Variants in TUBG2 observed in about 807,000 individuals in gnomAD.
TUBG2 encodes tubulin gamma 2.
Under a neutral mutation model 55.1 loss-of-function variants are expected in TUBG2, and 39 were observed. That is an observed-to-expected ratio of 0.71 (90% confidence interval 0.55 to 0.93). The LOEUF (loss-of-function observed/expected upper bound fraction) is 0.93. Ranked by LOEUF, TUBG2 falls within the 40% of genes least tolerant of loss-of-function variation. The pLI is 0.00. For synonymous variants in TUBG2, 223 were observed against 241.0 expected, an observed-to-expected ratio of 0.93 and a Z score of 0.69; for missense variants, 358 against 599.1, an observed-to-expected ratio of 0.60 and a Z score of 4.20.
At chr17:42,663,885 A>G (rs1323935715) in intron 6 of TUBG2, among the ~76,000 whole-genome samples, 1 of 149,592 alleles carries the variant, frequency 6.7e-6, no homozygotes, top group African/African-American at 2.5e-5. Context: ...GGAGGTTGCA[A>G]GGAGCTGAGA....
At chr17:42,662,218 G>A (rs181541586) in intron 4 of TUBG2, among the ~76,000 whole-genome samples, 19 of 152,098 alleles carry the variant, frequency 1.2e-4, no homozygotes, top group African/African-American at 4.3e-4. Context: ...ATAGGAAGAT[G>A]CCTTGAGCCC....
At position 42,666,659 on chromosome 17, in the gene TUBG2, C is replaced by G; in HGVS notation, c.1215C>G (p.Leu405=). ...AGCTGCGGAAGCGGGATGCCTTCCT[C>G]GAGCAGTTCCGTAAGGAGGACATGT... The part of the protein sequence containing the change: ...FDKLRKRDAF[L]EQFRKEDMFK... The change falls in exon 11 of 11, where the codon CTC becomes CTG. Residue 405 remains leucine, a synonymous_variant. Coordinates refer to ENST00000251412, the MANE Select transcript of TUBG2 (RefSeq NM_016437.3). 2 of 1,614,196 alleles carry G rather than the reference C, an allele frequency of 1.2e-6. No homozygotes were observed. Among genetic ancestry groups the G allele is most frequent in the Non-Finnish European group, 1.7e-6 (2 of 1,180,022 alleles).
Position 42,659,911 on chromosome 17 carries a change from G to T in TUBG2, c.127G>T (p.Glu43Ter). 6.2e-7 allele frequency: 1 copy of T among 1,612,626 alleles called. No homozygotes were observed. Among genetic ancestry groups the T allele is most frequent in the Non-Finnish European group, 8.5e-7 (1 of 1,179,158 alleles). The change falls in exon 2 of 11, where the codon GAG becomes TAG. Residue 43 changes from glutamate (E) to a stop codon, truncating the protein, a stop_gained. Coordinates refer to ENST00000251412, the MANE Select transcript of TUBG2 (RefSeq NM_016437.3). LOFTEE classifies it high-confidence loss of function. ...GGGCATCGTGGAGGAATTCGCCACC[G>T]AGGGCACTGACCGCAAGGACGTCTT... ...PEGIVEEFAT[E>*]GTDRKDVFFY... is the part of the protein sequence containing the mutation.
At chr17:42,661,751 T>C (rs764899622) in intron 4 of TUBG2, among the ~76,000 whole-genome samples, 1 of 152,214 alleles carries the variant, frequency 6.6e-6, no homozygotes, top group African/African-American at 2.4e-5. Context: ...TTATAACAAA[T>C]GGATGAACGT....
chr17:42,665,741 C>CT lies in TUBG2; in HGVS notation c.758dup (p.Ile254HisfsTer136), dbSNP rs746760976. The stretch of plus-strand genomic sequence containing the variant: ...CTACCCCGGCTACATGAACAATGAC[C>CT]TCATCGGCCTCATCGCCTCGCTCAT... On this transcript the variant is annotated frameshift_variant, in exon 8 of 11. Coordinates refer to ENST00000251412, the MANE Select transcript of TUBG2 (RefSeq NM_016437.3). LOFTEE classifies it high-confidence loss of function. 7.4e-6 allele frequency: 12 copies of CT among 1,614,090 alleles called. No homozygotes were observed. The highest frequency in any genetic ancestry group is 5.0e-5 in the Admixed American group (3 of 60,012).
intron 10 of TUBG2, 57 bp from the exon 11 acceptor site, chr17:42,666,546 C>T: frequency 1.9e-6 from 3 of 1,613,652 alleles, no homozygotes; most frequent in Admixed American, 1.7e-5. Context: ...TCATCATCTT[C>T]CCCAAGTTCA....
In TUBG2 at chr17:42,659,301, T is replaced by A; in HGVS notation, c.-203T>A. ...TGTGCGGAATTCCAGCTGCGACTGCTGAGGGAGAAAATGATGCCCAGGTTG... is the reference window on the plus strand; with the variant it reads ...TGTGCGGAATTCCAGCTGCGACTGCAGAGGGAGAAAATGATGCCCAGGTTG... On this transcript the variant is annotated 5_prime_UTR_variant, in exon 1 of 11. Transcript: ENST00000251412. 1.9e-6 allele frequency: 1 copy of A among 533,786 alleles called. No homozygotes were observed. Among genetic ancestry groups the A allele is most frequent in the East Asian group, 3.4e-5 (1 of 29,700 alleles). 33.1% of individuals were successfully genotyped at this position (533,786 alleles called of 1,614,324 possible).
Position 42,666,891 on chromosome 17 carries a change from A to G in TUBG2, c.*91A>G. ...CTGACCCAGCTTCACCTCATGGACA[A>G]CCCTTCTTGGTTCATCTCCAGCCCG... is the stretch of plus-strand genomic sequence containing the variant. On this transcript the variant is annotated 3_prime_UTR_variant, in exon 11 of 11. Transcript: ENST00000251412. 7.0e-7 allele frequency: 1 copy of G among 1,421,670 alleles called. No individual in the cohort carries two copies. Among genetic ancestry groups the G allele is most frequent in the Non-Finnish European group, 9.7e-7 (1 of 1,028,564 alleles). The allele number at this position is 1,421,670 out of a possible 1,614,324, so 88.1% of individuals were successfully genotyped here.
chr17:42,666,456 T>C lies in TUBG2; in HGVS notation c.1130T>C (p.Met377Thr). 1.2e-6 allele frequency: 2 copies of C among 1,614,190 alleles called. No individual in the cohort carries two copies. The highest frequency in any genetic ancestry group is 2.2e-5 in the South Asian group (2 of 91,078). ...LPSAHRVSGL[M>T]MANHTSISSL... Reference sequence around the variant, plus strand: ...TCGGCCCACCGGGTCAGCGGGCTCATGATGGCCAACCACACCAGCATCTCC... The same window carrying C: ...TCGGCCCACCGGGTCAGCGGGCTCACGATGGCCAACCACACCAGCATCTCC... Residue 377 changes from methionine (M) to threonine (T), a missense_variant, in exon 10 of 11, where the codon ATG (methionine) becomes ACG (threonine). Physicochemically the swap from Met to Thr is moderately conservative, Grantham distance 81 (BLOSUM62 -1). Around this residue, in one of 8 missense-constraint regions of TUBG2, gnomAD observed 129 missense variants for 251.6 expected, o/e 0.51. Transcript: ENST00000251412.
At position 42,660,430 on chromosome 17, in the gene TUBG2, C is replaced by T. The variant is rs552749376; in HGVS notation, c.330+114C>T. The T allele has an allele frequency of 3.8e-5, 58 of 1,534,472 alleles. No homozygotes were observed. In the African/African-American group the frequency reaches 7.0e-4, roughly 19 times the overall value. Reference sequence around the variant, plus strand: ...GAAAATAAGAGACAAAAGGATGTCCCGAACAAGAGGGACAGCCAGGGAGAG... The same window carrying T: ...GAAAATAAGAGACAAAAGGATGTCCTGAACAAGAGGGACAGCCAGGGAGAG... On this transcript the variant is annotated intron_variant, in intron 3 of 10. Coordinates refer to ENST00000251412, the MANE Select transcript of TUBG2 (RefSeq NM_016437.3).
At chr17:42,663,202 G>T in intron 5 of TUBG2, 150 bp downstream of exon 5, 1 of 1,279,522 alleles carries the variant, frequency 7.8e-7, no homozygotes, top group Admixed American at 2.3e-5. Context: ...ATTTTGGGGG[G>T]TGGGGGTTTA....
Position 42,666,937 on chromosome 17 carries a change from C to T in TUBG2, c.*137C>T, listed in dbSNP as rs2052563515. Reference sequence around the variant, plus strand: ...GCCCGTGAGCTGGTCCTGCTTCCTCCCTTCCATGCCCTAACTTTTAATATG... The same window carrying T: ...GCCCGTGAGCTGGTCCTGCTTCCTCTCTTCCATGCCCTAACTTTTAATATG... On this transcript the variant is annotated 3_prime_UTR_variant, in exon 11 of 11. Transcript: ENST00000251412. The T allele has an allele frequency of 7.5e-6, 6 of 803,914 alleles. No individual in the cohort carries two copies. In the Admixed American group the frequency reaches 1.6e-4, roughly 22 times the overall value. 49.8% of individuals were successfully genotyped at this position (803,914 alleles called of 1,614,324 possible). A position where few individuals can be genotyped will look rare whatever the true frequency, so the allele number is the denominator to read the frequency against.
Position 42,659,449 on chromosome 17 carries a change from G to C in TUBG2, c.-55G>C, listed in dbSNP as rs1416006641. ...CTGCGCTCCTGGCTGCCGGGCATTC[G>C]TCTCAGCCGTGACTCTCGCCAGGCC... On this transcript the variant is annotated 5_prime_UTR_variant, in exon 1 of 11. Transcript: ENST00000251412. 6 of 1,523,944 alleles carry C rather than the reference G, an allele frequency of 3.9e-6. No individual in the cohort carries two copies. Among genetic ancestry groups the C allele is most frequent in the Admixed American group, 2.1e-5 (1 of 46,844 alleles). 94.4% of individuals were successfully genotyped at this position (1,523,944 alleles called of 1,614,324 possible).
intron 4 of TUBG2, 33 bp downstream of exon 4, chr17:42,660,740 G>C (rs1217901685): frequency 6.2e-7 from 1 of 1,606,372 alleles, no homozygotes; most frequent in Non-Finnish European, 8.5e-7. Flanking sequence ...GGAATGGGCA[G>C]GGAGGCCGAA....
chr17:42,666,260 C>T, intron 9 of TUBG2, 21 bp downstream of exon 9: 1 of 1,614,024 alleles, frequency 6.2e-7, no homozygotes, highest in Non-Finnish European at 8.5e-7. Flanking sequence ...CCCCTTCATC[C>T]CGCGCCCTGG....
At position 42,659,690 on chromosome 17, in the gene TUBG2, C is replaced by G. The variant is rs939381558; in HGVS notation, c.49+138C>G. The G allele has an allele frequency of 7.4e-6, 10 of 1,357,080 alleles. No individual in the cohort carries two copies. In the African/African-American group the frequency reaches 1.5e-4, roughly 20 times the overall value. 84.1% of individuals were successfully genotyped at this position (1,357,080 alleles called of 1,614,324 possible). A position where few individuals can be genotyped will look rare whatever the true frequency, so the allele number is the denominator to read the frequency against. Reference sequence around the variant, plus strand: ...TGCTCTGGATAACCCAGACCGAGAGCTGCGCCTCCAGCCCGGGGCTGGGGC... The same window carrying G: ...TGCTCTGGATAACCCAGACCGAGAGGTGCGCCTCCAGCCCGGGGCTGGGGC... On this transcript the variant is annotated intron_variant, in intron 1 of 10. Coordinates refer to ENST00000251412, the MANE Select transcript of TUBG2 (RefSeq NM_016437.3).
chr17:42,665,692 G>A lies in TUBG2; in HGVS notation c.708G>A (p.Met236Ile). The A allele has an allele frequency of 6.2e-7, 1 of 1,614,170 alleles. No individual in the cohort carries two copies. Among genetic ancestry groups the A allele is most frequent in the South Asian group, 1.1e-5 (1 of 91,088 alleles). The change falls in exon 8 of 11, where the codon ATG (methionine) becomes ATA (isoleucine). Residue 236 changes from methionine (M) to isoleucine (I), a missense_variant. This residue lies in a region of TUBG2 where 129 missense variants were observed against 251.6 expected (regional missense o/e 0.51). Coordinates refer to ENST00000251412, the MANE Select transcript of TUBG2 (RefSeq NM_016437.3). ...SQINQLVSTI[M>I]SASTTTLRYP... ...CCTGTCCCCAGGTGTCCACCATCAT[G>A]TCGGCCAGCACCACCACCCTGCGCT...
In TUBG2 at chr17:42,666,755, G is replaced by C. The variant is rs201196377; in HGVS notation, c.1311G>C (p.Ala437=). ...AGGAGCTCATTGATGAGTACCATGC[G>C]GCCACCCAGCCAGACTACATTTCCT... ...VVQELIDEYH[A]ATQPDYISWG... The change falls in exon 11 of 11, where the codon GCG becomes GCC. Residue 437 remains alanine (A), a synonymous_variant. Coordinates refer to ENST00000251412, the MANE Select transcript of TUBG2 (RefSeq NM_016437.3). 10 of 1,613,944 alleles carry C rather than the reference G, an allele frequency of 6.2e-6. No individual in the cohort carries two copies. The highest frequency in any genetic ancestry group is 7.6e-6 in the Non-Finnish European group (9 of 1,180,002).
intron 6 of TUBG2, among the ~76,000 whole-genome samples, chr17:42,664,653 G>C (rs1230139800): frequency 6.6e-6 from 1 of 151,452 alleles, no homozygotes; most frequent in African/African-American, 2.4e-5. Context: ...TTTATATTTA[G>C]TGTGCCTCCC....
Sources: allele counts gnomAD v4.1 joint callset (sites outside exome capture counted in the v4.1 genomes callset), GRCh38; gene constraint gnomAD v4.1.1; regional missense constraint gnomAD v4.1.1; transcripts MANE v1.5; gene names NCBI Gene and HGNC (gene_info 2026-07-23, HGNC 2026-07-21).